The following ZNF398 variants were observed in gnomAD, a reference collection of about 807,000 sequenced individuals.
ZNF398 encodes zinc finger DNA binding protein ZER6.
Under a neutral mutation model 41.9 loss-of-function variants are expected in ZNF398, and 18 were observed. The ratio of observed to expected loss-of-function variants is 0.43; its 90% CI spans 0.30 to 0.64. The LOEUF (loss-of-function observed/expected upper bound fraction) is 0.64, where lower values mean the gene tolerates loss of function less well. ZNF398 is among the 30% of genes least tolerant of loss of function. The pLI, the probability that ZNF398 is intolerant of heterozygous loss-of-function variation, is 0.14. For missense variants in ZNF398, 669 were observed against 822.8 expected (o/e 0.81, Z 2.29); for synonymous variants, 260 against 308.8 (o/e 0.84, Z 1.66).
chr7:149,150,306 A>G (rs1235376557), intron 1 of ZNF398, among the ~76,000 whole-genome samples: 1 of 152,194 alleles, frequency 6.6e-6, no homozygotes, highest in African/African-American at 2.4e-5. Flanking sequence ...TGTTAAAAAT[A>G]CAAAATCTCA....
chr7:149,161,825 G>A (rs866834617), intron 2 of ZNF398, among the ~76,000 whole-genome samples: 30 of 108,250 alleles, frequency 2.8e-4, no homozygotes, highest in Admixed American at 8.9e-4. Context: ...AAAAAAAAAG[G>A]GGAATTGTTA....
chr7:149,157,800 T>TG (rs1424033760), intron 2 of ZNF398, among the ~76,000 whole-genome samples: 2 of 140,918 alleles, frequency 1.4e-5, no homozygotes, highest in African/African-American at 5.5e-5. Flanking sequence ...ATCGTGCCAC[T>TG]GCACTCCAGC....
At chr7:149,134,329 C>T (rs1826668623) in intron 2 of ZNF398, among the ~76,000 whole-genome samples, 1 of 151,574 alleles carries the variant, frequency 6.6e-6, no homozygotes, top group East Asian at 2.0e-4. Context: ...GGTAATCCAA[C>T]CCCCCTCCCC....
intron 2 of ZNF398, among the ~76,000 whole-genome samples, chr7:149,160,776 A>T (rs1795091816): frequency 6.6e-6 from 1 of 152,218 alleles, no homozygotes; most frequent in African/African-American, 2.4e-5. Flanking sequence ...AGAAGCTCAC[A>T]GCTTTAGATT....
intron 1 of ZNF398, chr7:149,148,460 G>C: frequency 1.0e-6 from 1 of 985,542 alleles, no homozygotes; most frequent in African/African-American, 1.7e-5. Flanking sequence ...GGAAAGCACT[G>C]ATCGCATTTG....
chr7:149,145,785 T>C (rs1826925167), upstream of ZNF398, among the ~76,000 whole-genome samples: 5 of 152,130 alleles, frequency 3.3e-5, no homozygotes, highest in Admixed American at 3.3e-4. Flanking sequence ...TGTCTCCTCC[T>C]TAGGTGGCCC....
At chr7:149,136,460 C>T (rs1164884746) in intron 2 of ZNF398, among the ~76,000 whole-genome samples, 1 of 152,128 alleles carries the variant, frequency 6.6e-6, no homozygotes, top group Non-Finnish European at 1.5e-5. Flanking sequence ...TTTTTATTTA[C>T]TTTGTGTAAA....
At chr7:149,148,324 G>A in intron 1 of ZNF398, 1 of 492,636 alleles carries the variant, frequency 2.0e-6, no homozygotes, top group Non-Finnish European at 2.6e-6. Context: ...GTGCGTGGCG[G>A]TTCATTCGCG....
chr7:149,178,575 C>A, intron 5 of ZNF398, 73 bp from the exon 6 acceptor site: 1 of 1,277,386 alleles, frequency 7.8e-7, no homozygotes, highest in Non-Finnish European at 1.1e-6. Flanking sequence ...TCTGTTAGAG[C>A]TGGGTAGGAA....
chr7:149,177,033 T>C (rs1175014107), intron 5 of ZNF398, among the ~76,000 whole-genome samples: 1 of 152,092 alleles, frequency 6.6e-6, no homozygotes, highest in Non-Finnish European at 1.5e-5. Context: ...GTATCTTCCT[T>C]CTAAGATACT....
chr7:149,175,467 A>G (rs1318334239), intron 4 of ZNF398, among the ~76,000 whole-genome samples: 1 of 152,144 alleles, frequency 6.6e-6, no homozygotes, highest in African/African-American at 2.4e-5. Context: ...TTTTTCTTTC[A>G]GAAAGAACCC....
chr7:149,128,008 T>C (rs1404643168), intron 1 of ZNF398, among the ~76,000 whole-genome samples: 1 of 152,212 alleles, frequency 6.6e-6, no homozygotes, highest in Non-Finnish European at 1.5e-5. Flanking sequence ...TATAACCTTT[T>C]GTGACTGGCT....
At chr7:149,126,482 C>T (rs967922963) in exon 1 of ZNF398, 15 of 547,890 alleles carry the variant, frequency 2.7e-5, no homozygotes, top group Non-Finnish European at 4.7e-5. Flanking sequence ...TTTGAGGGAC[C>T]CTTGGACTCC....
chr7:149,133,320 G>A (rs1173594776), intron 2 of ZNF398, among the ~76,000 whole-genome samples: 2 of 151,830 alleles, frequency 1.3e-5, no homozygotes, highest in Non-Finnish European at 2.9e-5. Flanking sequence ...CACCATGTTG[G>A]CTAGGCTGGT....
rs773728111 is a variant in ZNF398 at position 149,179,226 on chromosome 7, G to A, written c.1354G>A (p.Glu452Lys). The change falls in exon 6 of 6, where the codon GAA becomes AAA. Residue 452 changes from glutamate to lysine, a missense_variant. Physicochemically the swap from Glu to Lys is moderately conservative, Grantham distance 56. Coordinates refer to ENST00000475153, the MANE Select transcript of ZNF398 (RefSeq NM_170686.3). This position sits in a 1 kb window ranked among gnomAD's most constrained non-coding sequence, Gnocchi z 6.1. ...CAGCCACCGGAGAGCTCATGCAAGCGAAAGGCCCTTCCGCTGTGCCCAGTG... is the reference window on the plus strand; with the variant it reads ...CAGCCACCGGAGAGCTCATGCAAGCAAAAGGCCCTTCCGCTGTGCCCAGTG... ...LTSHRRAHAS[E>K]RPFRCAQCGR... The A allele has an allele frequency of 3.7e-6, 6 of 1,613,422 alleles. No homozygotes were observed. The highest frequency in any genetic ancestry group is 3.3e-5 in the South Asian group (3 of 91,078).
In ZNF398 at chr7:149,181,290, T is replaced by A. The variant is rs922369576; in HGVS notation, c.*1489T>A. On this transcript the variant is annotated 3_prime_UTR_variant, in exon 6 of 6. Coordinates refer to ENST00000475153, the MANE Select transcript of ZNF398 (RefSeq NM_170686.3). ...CAGCAAAGTCAAAGCAGATAAATTC[T>A]TGTTGAAACTTGACTAAAATTTATT... 6.6e-6 allele frequency: 1 copy of A among 152,282 alleles called. No individual in the cohort carries two copies. The highest frequency in any genetic ancestry group is 2.4e-5 in the African/African-American group (1 of 41,386). 9.4% of individuals were successfully genotyped at this position (152,282 alleles called of 1,614,324 possible).
chr7:149,164,552 A>T (rs533499843), intron 2 of ZNF398, among the ~76,000 whole-genome samples: 10 of 152,242 alleles, frequency 6.6e-5, no homozygotes, highest in Non-Finnish European at 1.2e-4. Flanking sequence ...AAGGAAAAAG[A>T]TTCAAAGTGA....
chr7:149,171,010 A>ATTTTTTGTTTTTTT (rs1249386101), intron 4 of ZNF398, among the ~76,000 whole-genome samples: 2 of 137,298 alleles, frequency 1.5e-5, no homozygotes, highest in Admixed American at 7.2e-5. Flanking sequence ...CGCCCGGCTA[A>ATTTTTTGTTTTTTT]TTTTTTTTTT....
chr7:149,161,041 C>T (rs1487039011), intron 2 of ZNF398, among the ~76,000 whole-genome samples: 1 of 152,034 alleles, frequency 6.6e-6, no homozygotes, highest in Non-Finnish European at 1.5e-5. Context: ...TTGGAGCTCT[C>T]CCAGGATTCC....
Sources: allele counts gnomAD v4.1 joint callset (sites outside exome capture counted in the v4.1 genomes callset), GRCh38; gene constraint gnomAD v4.1.1; non-coding constraint Gnocchi (gnomAD v3.1); transcripts MANE v1.5; gene names NCBI Gene and HGNC (gene_info 2026-07-23, HGNC 2026-07-21).